DTNBP1: variants seen among roughly 807,000 people sequenced by gnomAD.
The protein encoded by DTNBP1 is dysbindin.
A neutral mutation model predicts 42.8 loss-of-function variants in DTNBP1; 35 were observed. The ratio of observed to expected loss-of-function variants is 0.82; its 90% CI spans 0.63 to 1.09. The LOEUF (loss-of-function observed/expected upper bound fraction) is 1.09. Among genes scored for constraint, DTNBP1 ranks in the 50% least tolerant of loss-of-function variants. The pLI, the probability that DTNBP1 is intolerant of heterozygous loss-of-function variation, is 0.00. For missense variants in DTNBP1, 457 were observed against 424.2 expected, an observed-to-expected ratio of 1.08 and a Z score of -0.68; for synonymous variants, 171 against 162.2, an observed-to-expected ratio of 1.05 and a Z score of -0.41.
intron 7 of DTNBP1, among the ~76,000 whole-genome samples, chr6:15,586,460 T>C (rs1372186901): frequency 6.6e-6 from 1 of 152,088 alleles, no homozygotes; most frequent in Non-Finnish European, 1.5e-5. Flanking sequence ...ACTCTCACTG[T>C]ATCTTCAACC....
At chr6:15,662,628 A>C (rs1761713491) in intron 1 of DTNBP1, among the ~76,000 whole-genome samples, 186 bp downstream of exon 1, 1 of 151,926 alleles carries the variant, frequency 6.6e-6, no homozygotes, top group Non-Finnish European at 1.5e-5. Context: ...CAGGGACCTA[A>C]GTTACTTTGC....
At chr6:15,523,502 C>G in intron 9 of DTNBP1, 2 of 1,282,062 alleles carry the variant, frequency 1.6e-6, no homozygotes, top group East Asian at 4.4e-5. Flanking sequence ...AATAGAGGCC[C>G]AAAGGCAAGT....
intron 7 of DTNBP1, among the ~76,000 whole-genome samples, chr6:15,588,888 T>C (rs1484903939): frequency 6.6e-6 from 1 of 152,248 alleles, no homozygotes; most frequent in African/African-American, 2.4e-5. Context: ...CTCTCTCTGG[T>C]TAATTACTCC....
intron 8 of DTNBP1, among the ~76,000 whole-genome samples, chr6:15,527,470 A>G (rs1364868492): frequency 6.6e-6 from 1 of 152,246 alleles, no homozygotes; most frequent in Admixed American, 6.5e-5. Flanking sequence ...TGCTAATGAT[A>G]AAATTTACCC....
At chr6:15,613,341 T>C (rs141835706) in intron 6 of DTNBP1, among the ~76,000 whole-genome samples, 102,591 of 102,598 alleles carry the variant, frequency 1, 51,292 homozygotes, top group Middle Eastern at 1. Flanking sequence ...AATGCCCCTT[T>C]TTTGACACGG....
In DTNBP1 at chr6:15,524,497, T is replaced by G. The variant is rs376394202; in HGVS notation, c.811+29A>C. The G allele has an allele frequency of 4.3e-6, 7 of 1,610,186 alleles. No homozygotes were observed. In the African/African-American group the frequency reaches 9.4e-5, roughly 22 times the overall value. Reference sequence around the variant, plus strand: ...GGGAGTGGCATCGATACTGCCCTGGTTCAGCTAATGCAAGTTTGTCAACCC... The same window carrying G: ...GGGAGTGGCATCGATACTGCCCTGGGTCAGCTAATGCAAGTTTGTCAACCC... On this transcript the variant is annotated intron_variant, in intron 9 of 9. Transcript: ENST00000344537.
intron 7 of DTNBP1, among the ~76,000 whole-genome samples, chr6:15,574,109 A>T (rs1204533097): frequency 6.6e-6 from 1 of 152,232 alleles, no homozygotes; most frequent in Non-Finnish European, 1.5e-5. Context: ...GAACAGATAC[A>T]CACACCAGAA....
chr6:15,637,826 T>A, intron 3 of DTNBP1, 22 bp from the exon 4 acceptor site: 1 of 1,607,704 alleles, frequency 6.2e-7, no homozygotes, highest in Non-Finnish European at 8.5e-7. Flanking sequence ...CAAAAAATAA[T>A]TTGAAATGCA....
intron 7 of DTNBP1, among the ~76,000 whole-genome samples, chr6:15,546,413 T>C (rs577004222): frequency 1.3e-4 from 20 of 152,200 alleles, no homozygotes; most frequent in Non-Finnish European, 2.4e-4. Context: ...TTACTTCTGA[T>C]TGGAGCAGGA....
chr6:15,639,526 T>C, intron 3 of DTNBP1, among the ~76,000 whole-genome samples: 1 of 152,192 alleles, frequency 6.6e-6, no homozygotes, highest in East Asian at 1.9e-4. Context: ...CAGGTGATAC[T>C]AGAGTCCACA....
chr6:15,637,633 A>G lies in DTNBP1; in HGVS notation c.222+111T>C. ...TCAACGACTAGATTCAATTTCAGAT[A>G]TCCTGCAAAACATTTTGACACAAAC... On this transcript the variant is annotated intron_variant, in intron 4 of 9. Transcript: ENST00000344537. The G allele has an allele frequency of 1.0e-5, 12 of 1,184,854 alleles. No homozygotes were observed. In the South Asian group the frequency reaches 1.4e-4, roughly 14 times the overall value. The allele number at this position is 1,184,854 out of a possible 1,614,324, so 73.4% of individuals were successfully genotyped here.
In DTNBP1 at chr6:15,531,577, G is replaced by A. The variant is rs181050672; in HGVS notation, c.667+1663C>T. ...GCACACTCTGAAGTCTTCAACTACT[G>A]CTATTAATCTATTTTTCTCAACATT... On this transcript the variant is annotated intron_variant, in intron 8 of 9. Transcript: ENST00000344537. Among the ~76,000 whole-genome samples, 178 of 152,292 alleles carry A rather than the reference G, an allele frequency of 1.2e-3. 1 individual carries two copies. The highest frequency in any genetic ancestry group is 2.1e-3 in the Non-Finnish European group (142 of 68,022).
At chr6:15,583,286 T>C (rs1441112545) in intron 7 of DTNBP1, among the ~76,000 whole-genome samples, 1 of 152,200 alleles carries the variant, frequency 6.6e-6, no homozygotes, top group Non-Finnish European at 1.5e-5. Flanking sequence ...CCCACCCATA[T>C]ACTTATATTT....
chr6:15,644,175 T>TAA (rs35859847), intron 3 of DTNBP1, among the ~76,000 whole-genome samples: 76 of 132,100 alleles, frequency 5.8e-4, no homozygotes, highest in Non-Finnish European at 6.0e-4. Context: ...CAAGAACAGT[T>TAA]AAAAAAAAAA....
At chr6:15,593,676 G>C (rs1028937691) in intron 6 of DTNBP1, among the ~76,000 whole-genome samples, 17 of 152,204 alleles carry the variant, frequency 1.1e-4, no homozygotes, top group Non-Finnish European at 2.9e-5. Flanking sequence ...AGTTTCCTGG[G>C]AAGTGTACAG....
chr6:15,559,843 C>T (rs1281825354), intron 7 of DTNBP1, among the ~76,000 whole-genome samples: 1 of 152,224 alleles, frequency 6.6e-6, no homozygotes, highest in Non-Finnish European at 1.5e-5. Context: ...ACTACTTCTT[C>T]AAGCATCTTG....
At chr6:15,525,666 A>G (rs1331332935) in intron 8 of DTNBP1, among the ~76,000 whole-genome samples, 1 of 152,242 alleles carries the variant, frequency 6.6e-6, no homozygotes, top group Non-Finnish European at 1.5e-5. Flanking sequence ...AACTCGGGGC[A>G]CAGTCACAGC....
chr6:15,569,060 GT>G (rs1369288016), intron 7 of DTNBP1, among the ~76,000 whole-genome samples: 2 of 152,184 alleles, frequency 1.3e-5, no homozygotes, highest in Non-Finnish European at 2.9e-5. Context: ...TACATGCCAA[GT>G]TCTGGGCAGA....
rs79016981 is a variant in DTNBP1, at chr6:15,525,071, G to A, written c.668-402C>T. ...GCCTACAGGTGCCCTGAACCTTCCC[G>A]GCAGGCGCACTCCTCTAATTGCAAG... On this transcript the variant is annotated intron_variant, in intron 8 of 9. Transcript: ENST00000344537. Among the ~76,000 whole-genome samples the A allele has an allele frequency of 9.5e-3, 1,448 of 152,232 alleles. 22 individuals are homozygous for A. Among genetic ancestry groups the A allele is most frequent in the Middle Eastern group, 0.027 (8 of 294 alleles).
Sources: gnomAD v4.1 joint callset for allele counts (sites outside exome capture counted in the v4.1 genomes callset) on GRCh38, gnomAD v4.1.1 for gene constraint, MANE v1.5 for transcripts, NCBI Gene and HGNC (gene_info 2026-07-23, HGNC 2026-07-21) for gene names.